Variants in TPX2 observed in about 807,000 individuals in gnomAD.
The protein encoded by TPX2 is targeting protein for Xklp2.
In TPX2, 21 loss-of-function variants were observed where a neutral mutation model predicts 93.6. The observed-to-expected ratio is 0.22, with a 90% confidence interval of 0.16 to 0.32. The LOEUF is 0.32. TPX2 is among the 10% of genes least tolerant of loss of function. The pLI is 1.00. For missense variants in TPX2, 776 were observed against 871.1 expected, an observed-to-expected ratio of 0.89 and a Z score of 1.37; for synonymous variants, 281 against 298.3, an observed-to-expected ratio of 0.94 and a Z score of 0.60.
rs1222397155 is a variant in TPX2 at position 31,797,478 on chromosome 20, G to A, written c.1908G>A (p.Glu636=). ...KARPNTVISQ[E]PFVPKKEKKS... is the part of the protein sequence containing the mutation. ...GTCCAAACACCGTCATCTCTCAGGA[G>A]CCCTTTGTTCCCAAGAAAGAGAAGA... is the stretch of plus-strand genomic sequence containing the variant. The change falls in exon 16 of 18, where the codon GAG becomes GAA. Residue 636 remains glutamate (E), a synonymous_variant. Transcript: ENST00000300403. 2.5e-6 allele frequency: 4 copies of A among 1,613,924 alleles called. No individual in the cohort carries two copies. The highest frequency in any genetic ancestry group is 2.5e-6 in the Non-Finnish European group (3 of 1,179,958).
chr20:31,773,301 G>A (rs1306967835), intron 7 of TPX2, among the ~76,000 whole-genome samples: 3 of 151,960 alleles, frequency 2.0e-5, no homozygotes, highest in Admixed American at 2.0e-4. Context: ...ACAGGCACCT[G>A]CCACCACACC....
chr20:31,763,719 T>A (rs974941409), intron 4 of TPX2, among the ~76,000 whole-genome samples: 7 of 116,234 alleles, frequency 6.0e-5, no homozygotes, highest in African/African-American at 3.4e-4. Context: ...AATTTAAATT[T>A]AATTTTTTTT....
In TPX2 at chr20:31,792,533, C is replaced by A. The variant is rs2062108400; in HGVS notation, c.1414-202C>A. Among the ~76,000 whole-genome samples the A allele has an allele frequency of 2.0e-5, 3 of 151,620 alleles. No individual in the cohort carries two copies. The South Asian group carries it at 6.2e-4, about 32-fold the overall frequency. ...AAAACTCAAAAATATCATTCTAGGC[C>A]ATGTGCAGTGGCTCACACCTGTAAT... On this transcript the variant is annotated intron_variant, in intron 12 of 17. Transcript: ENST00000300403.
At chr20:31,795,504 G>A (rs182794405) in intron 15 of TPX2, among the ~76,000 whole-genome samples, 8 of 152,248 alleles carry the variant, frequency 5.3e-5, no homozygotes, top group African/African-American at 1.9e-4. Context: ...GCTGGATTTG[G>A]CCTGTAGGCC....
At chr20:31,754,636 T>G (rs1169114324) in intron 2 of TPX2, among the ~76,000 whole-genome samples, 1 of 152,140 alleles carries the variant, frequency 6.6e-6, no homozygotes, top group Non-Finnish European at 1.5e-5. Flanking sequence ...TGTCAAGAGC[T>G]TTTGACCCAG....
chr20:31,756,157 TTGGATGGATGGA>T (rs1007760386), intron 2 of TPX2, among the ~76,000 whole-genome samples: 1 of 152,110 alleles, frequency 6.6e-6, no homozygotes, highest in Non-Finnish European at 1.5e-5. Context: ...ACCTTGATGG[TTGGATGGATGGA>T]TGGATGGATG....
intron 2 of TPX2, among the ~76,000 whole-genome samples, chr20:31,755,845 A>G (rs1435563236): frequency 1.3e-5 from 2 of 152,082 alleles, no homozygotes; most frequent in East Asian, 1.9e-4. Flanking sequence ...TATTTATCAG[A>G]TTACTTTCAG....
In TPX2 at chr20:31,760,065, G is replaced by A. The variant is rs1258917817; in HGVS notation, c.115G>A (p.Ala39Thr). The A allele has an allele frequency of 1.2e-6, 2 of 1,613,600 alleles. No individual in the cohort carries two copies. Among genetic ancestry groups the A allele is most frequent in the East Asian group, 2.2e-5 (1 of 44,858 alleles). ...ATCTTCCCTTTTCACAGAGGAGAAG[G>A]CCAATTTGGAGAATAAGTTACTGGG... ...QNIDSWFEEK[A>T]NLENKLLGKN... The change falls in exon 4 of 18, where the codon GCC becomes ACC. Residue 39 changes from alanine (A) to threonine (T), a missense_variant. By Grantham distance (58) the Ala-to-Thr change is moderately conservative. Around this residue, in one of 3 missense-constraint regions of TPX2, gnomAD observed 36 missense variants for 58.3 expected, o/e 0.62. Transcript: ENST00000300403.
intron 2 of TPX2, 67 bp from the exon 3 acceptor site, chr20:31,757,340 G>A (rs1239657273): frequency 7.5e-6 from 5 of 670,084 alleles, no homozygotes; most frequent in African/African-American, 3.7e-5. Context: ...AATTACAAAC[G>A]TGGTAGTAAA....
In TPX2 at chr20:31,755,330, C is replaced by T. The variant is rs934902202; in HGVS notation, c.-70-2077C>T. Among the ~76,000 whole-genome samples the T allele has an allele frequency of 5.9e-5, 9 of 151,448 alleles. No individual in the cohort carries two copies. The East Asian group carries it at 7.9e-4, about 13-fold the overall frequency. ...AACTCCTGACCTCAGGTGATCCATC[C>T]GCCCTGGCCTCTCAAAGTGCTGGGA... On this transcript the variant is annotated intron_variant, in intron 2 of 17. Transcript: ENST00000300403.
intron 12 of TPX2, among the ~76,000 whole-genome samples, chr20:31,790,939 T>A (rs1304540096): frequency 6.6e-6 from 1 of 152,168 alleles, no homozygotes; most frequent in Non-Finnish European, 1.5e-5. Flanking sequence ...TGGAGAGATC[T>A]ATTGAAAGGC....
intron 9 of TPX2, among the ~76,000 whole-genome samples, chr20:31,778,334 C>G (rs1396560951): frequency 6.6e-6 from 1 of 152,108 alleles, no homozygotes; most frequent in African/African-American, 2.4e-5. Flanking sequence ...CCAGTTTTAT[C>G]AAAATTACTG....
Position 31,801,203 on chromosome 20 carries a change from G to A in TPX2, c.*123G>A, listed in dbSNP as rs144821015. ...CATTTCTCCAGACTTTTACCTACCC[G>A]TGCCTGAGAAAGCATACTTGACAAC... On this transcript the variant is annotated 3_prime_UTR_variant, in exon 18 of 18. Transcript: ENST00000300403. 36 of 785,642 alleles carry A rather than the reference G, an allele frequency of 4.6e-5. No individual in the cohort carries two copies. The highest frequency in any genetic ancestry group is 4.3e-4 in the African/African-American group (25 of 57,926). The allele number at this position is 785,642 out of a possible 1,614,324, so 48.7% of individuals were successfully genotyped here. A position where few individuals can be genotyped will look rare whatever the true frequency, so the allele number is the denominator to read the frequency against.
intron 7 of TPX2, among the ~76,000 whole-genome samples, chr20:31,772,801 T>C (rs2061971966): frequency 6.6e-6 from 1 of 152,152 alleles, no homozygotes; most frequent in Non-Finnish European, 1.5e-5. Context: ...CAGCTTTTCA[T>C]GATTATAAGT....
intron 10 of TPX2, chr20:31,780,851 T>G: frequency 6.1e-6 from 2 of 329,448 alleles, no homozygotes; most frequent in Non-Finnish European, 1.2e-5. Context: ...GATGCTTTTA[T>G]ATTGATTTCA....
intron 9 of TPX2, among the ~76,000 whole-genome samples, chr20:31,778,482 G>A (rs1364173836): frequency 3.3e-5 from 5 of 152,104 alleles, no homozygotes; most frequent in Non-Finnish European, 7.3e-5. Flanking sequence ...GGAGTTGAGG[G>A]TGAGATTTCT....
intron 2 of TPX2, among the ~76,000 whole-genome samples, chr20:31,747,845 A>G: frequency 6.8e-6 from 1 of 146,154 alleles, no homozygotes; most frequent in Non-Finnish European, 1.5e-5. Flanking sequence ...GAAGGCATCC[A>G]GTTCCCACCA....
chr20:31,783,666 A>G, intron 11 of TPX2, 39 bp from the exon 12 acceptor site: 1 of 1,567,538 alleles, frequency 6.4e-7, no homozygotes, highest in Non-Finnish European at 8.6e-7. Flanking sequence ...TCATTTTATT[A>G]AAATTTTTTT....
chr20:31,759,971 G>A, intron 3 of TPX2, 86 bp from the exon 4 acceptor site: 1 of 1,559,928 alleles, frequency 6.4e-7, no homozygotes, highest in Non-Finnish European at 8.7e-7. Context: ...TACTGGTAGG[G>A]AGCTTTAGTT....
Sources: gnomAD v4.1 joint callset for allele counts (sites outside exome capture counted in the v4.1 genomes callset) on GRCh38, gnomAD v4.1.1 for gene constraint, gnomAD v4.1.1 regional missense constraint, MANE v1.5 for transcripts, NCBI Gene and HGNC (gene_info 2026-07-23, HGNC 2026-07-21) for gene names.